The following ARID2 variants were observed in gnomAD, a reference collection of about 807,000 sequenced individuals.
ARID2 encodes the protein AT-rich interaction domain 2.
Under a neutral mutation model 184.6 loss-of-function variants are expected in ARID2, and 32 were observed. The ratio of observed to expected loss-of-function variants is 0.17; its 90% CI spans 0.13 to 0.23. The LOEUF (loss-of-function observed/expected upper bound fraction) is 0.23. Ranked by LOEUF, ARID2 falls within the 10% of genes least tolerant of loss-of-function variation. ARID2 has a pLI of 1.00. For missense variants in ARID2, 1,696 were observed against 2,197.6 expected (o/e 0.77, Z 4.56); for synonymous variants, 836 against 772.6 (o/e 1.08, Z -1.36).
intron 3 of ARID2, among the ~76,000 whole-genome samples, chr12:45,735,692 T>C (rs1197382114): frequency 1.3e-5 from 2 of 152,178 alleles, no homozygotes; most frequent in African/African-American, 4.8e-5. Flanking sequence ...TTAAAGGACA[T>C]GCAGACTTGT....
At chr12:45,803,288 C>T (rs920718333) in intron 3 of ARID2, among the ~76,000 whole-genome samples, 3 of 152,086 alleles carry the variant, frequency 2.0e-5, no homozygotes, top group African/African-American at 7.2e-5. Flanking sequence ...ATCCTTGTTT[C>T]TTCAACTCTT....
chr12:45,751,724 A>G (rs1941468493), intron 3 of ARID2, among the ~76,000 whole-genome samples: 1 of 152,258 alleles, frequency 6.6e-6, no homozygotes, highest in Non-Finnish European at 1.5e-5. Flanking sequence ...GCTTTAGGCT[A>G]CAAACCTGTA....
intron 16 of ARID2, among the ~76,000 whole-genome samples, chr12:45,866,878 T>C (rs1465769433): frequency 6.6e-6 from 1 of 152,188 alleles, no homozygotes; most frequent in Non-Finnish European, 1.5e-5. Context: ...AGATTTGCTC[T>C]TGACATTGTA....
intron 3 of ARID2, among the ~76,000 whole-genome samples, chr12:45,732,112 CA>C (rs1193757091): frequency 1.3e-5 from 2 of 150,734 alleles, no homozygotes; most frequent in Non-Finnish European, 3.0e-5. Context: ...GGAATACTTT[CA>C]TACTGTAATT....
At chr12:45,855,310 C>T (rs1943626618) in intron 15 of ARID2, among the ~76,000 whole-genome samples, 2 of 152,166 alleles carry the variant, frequency 1.3e-5, no homozygotes, top group South Asian at 4.1e-4. Flanking sequence ...CTGTATTAAA[C>T]TTTCTTACAT....
At chr12:45,856,164 TC>T (rs1943645864) in intron 15 of ARID2, among the ~76,000 whole-genome samples, 1 of 133,656 alleles carries the variant, frequency 7.5e-6, no homozygotes, top group Non-Finnish European at 1.5e-5. Context: ...AACCTCTACC[TC>T]CCGGGTTCAA....
rs1349057349 is a variant in ARID2 at position 45,824,867 on chromosome 12, A to G, written c.705+3380A>G. 3.7e-5 allele frequency among the ~76,000 whole-genome samples: 5 copies of G among 134,494 alleles called. No homozygotes were observed. The Middle Eastern group carries it at 0.011, about 290-fold the overall frequency. The allele number at this position is 134,494 out of a possible 152,430, so 88.2% of individuals were successfully genotyped here. On this transcript the variant is annotated intron_variant, in intron 6 of 20. Transcript: ENST00000334344. ...TGAATGAATAAAGTTATATATATAC[A>G]TATATATATATATATGTATATATAA...
intron 3 of ARID2, among the ~76,000 whole-genome samples, chr12:45,780,019 C>T (rs1942059255): frequency 6.6e-6 from 1 of 152,152 alleles, no homozygotes; most frequent in African/African-American, 2.4e-5. Context: ...AAAACAGTTT[C>T]TTACAAGGAT....
At chr12:45,774,570 C>CT (rs1290888317) in intron 3 of ARID2, among the ~76,000 whole-genome samples, 3 of 152,058 alleles carry the variant, frequency 2.0e-5, no homozygotes, top group East Asian at 1.9e-4. Flanking sequence ...TTGTGGCATA[C>CT]TTTTTTACCA....
rs756536652 is a variant in ARID2, at chr12:45,852,630, G to A, written c.4507G>A (p.Val1503Ile). 1.7e-5 allele frequency: 27 copies of A among 1,614,114 alleles called. No individual in the cohort carries two copies. The highest frequency in any genetic ancestry group is 5.3e-5 in the African/African-American group (4 of 75,038). Reference protein sequence around the residue: ...VSHSPALSSDVRSTNGTAECK... With the variant: ...VSHSPALSSDIRSTNGTAECK... ...CCATTCTCCTGCCCTATCATCTGAC[G>A]TTCGGTCTACAAATGGCACAGCAGA... is the stretch of plus-strand genomic sequence containing the variant. Residue 1503 changes from valine (V) to isoleucine (I), a missense_variant, in exon 15 of 21, where the codon GTT becomes ATT. Val to Ile is a conservative substitution (Grantham distance 29). Coordinates refer to ENST00000334344, the MANE Select transcript of ARID2 (RefSeq NM_152641.4).
chr12:45,752,787 T>C (rs748241839), intron 3 of ARID2, among the ~76,000 whole-genome samples: 1 of 152,230 alleles, frequency 6.6e-6, no homozygotes, highest in Non-Finnish European at 1.5e-5. Context: ...TGAGCCACTG[T>C]ACCAGGCCAA....
intron 16 of ARID2, 61 bp downstream of exon 16, chr12:45,861,010 T>C: frequency 7.4e-7 from 1 of 1,349,514 alleles, no homozygotes; most frequent in Non-Finnish European, 9.6e-7. Context: ...CTTTTATATT[T>C]AAGTTTCTGT....
chr12:45,759,782 A>T (rs1417954002), intron 3 of ARID2, among the ~76,000 whole-genome samples: 2 of 152,136 alleles, frequency 1.3e-5, no homozygotes, highest in African/African-American at 4.8e-5. Flanking sequence ...GGCTGGTCTC[A>T]ATCTCCTGTG....
chr12:45,782,247 A>G (rs561218593), intron 3 of ARID2, among the ~76,000 whole-genome samples: 1 of 152,318 alleles, frequency 6.6e-6, no homozygotes, highest in East Asian at 1.9e-4. Context: ...AATATACAAC[A>G]TTAGGTGTCA....
In ARID2 at chr12:45,852,380, T is replaced by C. The variant is rs754474375; in HGVS notation, c.4257T>C (p.Pro1419=). 6.2e-7 allele frequency: 1 copy of C among 1,614,180 alleles called. No individual in the cohort carries two copies. The change falls in exon 15 of 21, where the codon CCT becomes CCC. Residue 1419 remains proline, a synonymous_variant. Coordinates refer to ENST00000334344, the MANE Select transcript of ARID2 (RefSeq NM_152641.4). ...GDQLERISNG[P]VLTLGGSSVS... is the part of the protein sequence containing the mutation. ...AACTAGAAAGAATTTCTAATGGACC[T>C]GTATTAACTTTGGGTGGTTCATCTG...
In ARID2 at chr12:45,848,968, T is replaced by C; in HGVS notation, c.1713T>C (p.Leu571=). The C allele has an allele frequency of 6.2e-7, 1 of 1,611,102 alleles. No individual in the cohort carries two copies. Among genetic ancestry groups the C allele is most frequent in the South Asian group, 1.1e-5 (1 of 90,560 alleles). The stretch of plus-strand genomic sequence containing the variant: ...CATCAACTGGATTTTATAAATGTCT[T>C]AGGTAGGATCCATAGTTCTTTAAAT... ...ILTSTGFYKC[L]RTVFPNHTVK... Residue 571 remains leucine, a splice_region_variant and synonymous_variant, in exon 13 of 21, where the codon CTT becomes CTC. Coordinates refer to ENST00000334344, the MANE Select transcript of ARID2 (RefSeq NM_152641.4).
At chr12:45,749,117 T>C (rs528294494) in intron 3 of ARID2, among the ~76,000 whole-genome samples, 37 of 152,334 alleles carry the variant, frequency 2.4e-4, no homozygotes, top group African/African-American at 8.2e-4. Context: ...AGGGAATCAC[T>C]GTGGCAGCTA....
chr12:45,885,912 G>T (rs1262186976), intron 16 of ARID2, among the ~76,000 whole-genome samples: 1 of 152,106 alleles, frequency 6.6e-6, no homozygotes. Flanking sequence ...ACAATTCAAG[G>T]TGAGATTTGG....
At chr12:45,856,100 A>G (rs568059266) in intron 15 of ARID2, among the ~76,000 whole-genome samples, 2 of 119,262 alleles carry the variant, frequency 1.7e-5, no homozygotes, top group African/African-American at 6.6e-5. Context: ...TTTGAGACAC[A>G]GTCTCGCTCT....
Sources: allele counts gnomAD v4.1 joint callset (sites outside exome capture counted in the v4.1 genomes callset), GRCh38; gene constraint gnomAD v4.1.1; transcripts MANE v1.5; gene names NCBI Gene and HGNC (gene_info 2026-07-23, HGNC 2026-07-21).